The following ROBO2 variants were observed in gnomAD, a reference collection of about 807,000 sequenced individuals.
ROBO2 encodes roundabout guidance receptor 2.
In ROBO2, 53 loss-of-function variants were observed where a neutral mutation model predicts 160.8. The ratio of observed to expected loss-of-function variants is 0.33; its 90% confidence interval spans 0.26 to 0.41. The LOEUF (loss-of-function observed/expected upper bound fraction) is 0.41, where lower values mean the gene tolerates loss of function less well. ROBO2 is among the 10% of genes least tolerant of loss of function. The pLI is 1.00. For synonymous variants in ROBO2, 664 were observed against 611.7 expected (o/e 1.09, Z -1.26); for missense variants, 1,577 against 1,722.4 (o/e 0.92, Z 1.49).
chr3:76,557,488 T>G (rs544516432), intron 2 of ROBO2, among the ~76,000 whole-genome samples: 1 of 151,904 alleles, frequency 6.6e-6, no homozygotes, highest in African/African-American at 2.4e-5. Flanking sequence ...AAAGATCAAA[T>G]GAATTATCTT....
chr3:75,996,918 G>A (rs192704475), intron 2 of ROBO2, among the ~76,000 whole-genome samples: 69 of 152,052 alleles, frequency 4.5e-4, no homozygotes, highest in Admixed American at 2.4e-3. Flanking sequence ...ACAAATTTTC[G>A]ATTTCCTTGT....
At chr3:76,725,907 T>A (rs2093544575) in intron 2 of ROBO2, among the ~76,000 whole-genome samples, 2 of 152,192 alleles carry the variant, frequency 1.3e-5, no homozygotes, top group African/African-American at 2.4e-5. Context: ...CGAATATTAA[T>A]GTCTAACATC....
At chr3:76,773,887 A>G (rs1338201794) in intron 2 of ROBO2, among the ~76,000 whole-genome samples, 6 of 150,864 alleles carry the variant, frequency 4.0e-5, no homozygotes, top group African/African-American at 1.5e-4. Context: ...GGGGACCTTA[A>G]TAACATGAGC....
intron 2 of ROBO2, among the ~76,000 whole-genome samples, chr3:77,419,496 G>A (rs565442307): frequency 6.6e-6 from 1 of 152,176 alleles, no homozygotes; most frequent in East Asian, 1.9e-4. Context: ...AAGAAGGAGA[G>A]GTGGCACATG....
At chr3:76,699,611 T>A (rs1447007298) in intron 2 of ROBO2, among the ~76,000 whole-genome samples, 1 of 152,164 alleles carries the variant, frequency 6.6e-6, no homozygotes, top group African/African-American at 2.4e-5. Flanking sequence ...CCTTTTTTAG[T>A]CCCATCTGCT....
chr3:76,952,646 T>C (rs1287848993), intron 2 of ROBO2, among the ~76,000 whole-genome samples: 3 of 152,106 alleles, frequency 2.0e-5, no homozygotes, highest in East Asian at 1.9e-4. Context: ...TTATCATATA[T>C]GGCACATATT....
chr3:76,501,595 TA>T (rs1469117888), intron 2 of ROBO2, among the ~76,000 whole-genome samples: 1 of 152,178 alleles, frequency 6.6e-6, no homozygotes, highest in African/African-American at 2.4e-5. Flanking sequence ...TCATGTTAAA[TA>T]AAATCTCCTA....
intron 2 of ROBO2, among the ~76,000 whole-genome samples, chr3:76,883,618 CTTGTA>C (rs2148764924): frequency 6.6e-6 from 1 of 152,200 alleles, no homozygotes; most frequent in Non-Finnish European, 1.5e-5. Flanking sequence ...TGGAAGAAGT[CTTGTA>C]TTGTGATTTA....
chr3:76,260,456 C>A (rs2107591259), intron 2 of ROBO2, among the ~76,000 whole-genome samples: 1 of 152,164 alleles, frequency 6.6e-6, no homozygotes, highest in Admixed American at 6.5e-5. Flanking sequence ...AAAAATACAT[C>A]TTTGCTTTGA....
intron 2 of ROBO2, among the ~76,000 whole-genome samples, chr3:76,641,392 A>G (rs1045842905): frequency 1.3e-5 from 2 of 152,134 alleles, no homozygotes; most frequent in Non-Finnish European, 2.9e-5. Context: ...CACAAACTCA[A>G]TATAATCATC....
chr3:76,705,974 AT>A (rs889534747), intron 2 of ROBO2, among the ~76,000 whole-genome samples: 2 of 152,082 alleles, frequency 1.3e-5, no homozygotes, highest in African/African-American at 4.8e-5. Context: ...CCAGTTATAC[AT>A]TTTTTTAAAA....
At chr3:77,270,295 TGTAA>T (rs1386689164) in intron 2 of ROBO2, among the ~76,000 whole-genome samples, 15 of 152,328 alleles carry the variant, frequency 9.8e-5, no homozygotes, top group African/African-American at 3.4e-4. Context: ...CACGTAATCT[TGTAA>T]GTAAGACTCT....
intron 2 of ROBO2, among the ~76,000 whole-genome samples, chr3:77,280,772 T>C (rs1176075773): frequency 6.6e-6 from 1 of 152,240 alleles, no homozygotes; most frequent in African/African-American, 2.4e-5. Flanking sequence ...AAATTTGCCA[T>C]GGTTCAACTT....
chr3:77,248,841 A>G (rs1164711898), intron 2 of ROBO2, among the ~76,000 whole-genome samples: 1 of 151,058 alleles, frequency 6.6e-6, no homozygotes, highest in Non-Finnish European at 1.5e-5. Flanking sequence ...TTGAACATAA[A>G]TATTTTGGAA....
intron 2 of ROBO2, among the ~76,000 whole-genome samples, chr3:75,963,122 A>T (rs653499): frequency 6.6e-6 from 1 of 151,880 alleles, no homozygotes; most frequent in Non-Finnish European, 1.5e-5. Flanking sequence ...AGAGCAAAAT[A>T]TAATTGACAG....
At chr3:76,365,856 T>G (rs1428888062) in intron 2 of ROBO2, among the ~76,000 whole-genome samples, 1 of 152,102 alleles carries the variant, frequency 6.6e-6, no homozygotes, top group Non-Finnish European at 1.5e-5. Context: ...ATCTAATTAT[T>G]CAGAAGAGCC....
chr3:76,462,333 A>G (rs1409704385), intron 2 of ROBO2, among the ~76,000 whole-genome samples: 1 of 152,166 alleles, frequency 6.6e-6, no homozygotes, highest in Non-Finnish European at 1.5e-5. Context: ...CACAGTTTAG[A>G]GCAGAAACAT....
At chr3:76,111,642 G>C (rs1040343277) in intron 2 of ROBO2, among the ~76,000 whole-genome samples, 1 of 151,970 alleles carries the variant, frequency 6.6e-6, no homozygotes, top group South Asian at 2.1e-4. Context: ...CAGGAGGTTT[G>C]AGTCATCTTC....
At chr3:76,444,900 G>A (rs893478293) in intron 2 of ROBO2, among the ~76,000 whole-genome samples, 1 of 152,044 alleles carries the variant, frequency 6.6e-6, no homozygotes, top group Non-Finnish European at 1.5e-5. Flanking sequence ...ATTTCTAAAG[G>A]TTTTATGCCA....
Sources: allele counts gnomAD v4.1 joint callset (sites outside exome capture counted in the v4.1 genomes callset), GRCh38; gene constraint gnomAD v4.1.1; transcripts MANE v1.5; gene names NCBI Gene and HGNC (gene_info 2026-07-23, HGNC 2026-07-21).